METTL3: variants seen among roughly 807,000 people sequenced by gnomAD.
METTL3 encodes methyltransferase 3, N6-adenosine-methyltransferase complex catalytic subunit.
In METTL3, 42 loss-of-function variants were observed where a neutral mutation model predicts 64.3. The ratio of observed to expected loss-of-function variants is 0.65; its 90% CI spans 0.51 to 0.84. The LOEUF is 0.84. Among genes scored for constraint, METTL3 ranks in the 40% least tolerant of loss-of-function variants. The pLI is 0.00. For missense variants in METTL3, 435 were observed against 722.3 expected, an observed-to-expected ratio of 0.60 and a Z score of 4.56; for synonymous variants, 256 against 263.6, an observed-to-expected ratio of 0.97 and a Z score of 0.28.
chr14:21,500,357 C>T (rs1367183607), intron 6 of METTL3, 138 bp downstream of exon 6: 5 of 757,240 alleles, frequency 6.6e-6, no homozygotes. Context: ...CAGTGAGACT[C>T]TCTCAAAAAA....
intron 1 of METTL3, among the ~76,000 whole-genome samples, chr14:21,509,064 G>A (rs923954455): frequency 1.3e-5 from 2 of 152,068 alleles, no homozygotes; most frequent in Admixed American, 1.3e-4. Context: ...TGTAGGCCAG[G>A]CATGGTGGCT....
rs1337107556 is a variant in METTL3 at position 21,503,815 on chromosome 14, G to A, written c.167C>T (p.Pro56Leu). ...FRSDSPVPTAPTSGGPKPSTA... is the reference protein window; with the variant it reads ...FRSDSPVPTALTSGGPKPSTA... ...GCTGGGCTTAGGGCCACCAGAGGTG[G>A]GTGCAGTAGGCACTGGGCTGTCACT... The change falls in exon 2 of 11, where the codon CCC becomes CTC. Residue 56 changes from proline (P) to leucine (L), a missense_variant. Pro to Leu is a moderately conservative substitution (Grantham distance 98). Transcript: ENST00000298717. 1.2e-6 allele frequency: 2 copies of A among 1,614,228 alleles called. No homozygotes were observed. The highest frequency in any genetic ancestry group is 1.7e-6 in the Non-Finnish European group (2 of 1,180,048).
Position 21,503,803 on chromosome 14 carries a change from C to T in METTL3, c.179G>A (p.Gly60Asp). 2 of 1,614,186 alleles carry T rather than the reference C, an allele frequency of 1.2e-6. No homozygotes were observed. Among genetic ancestry groups the T allele is most frequent in the Non-Finnish European group, 1.7e-6 (2 of 1,180,022 alleles). ...TGCTGAAGCTGTGCTGGGCTTAGGGCCACCAGAGGTGGGTGCAGTAGGCAC... is the reference window on the plus strand; with the variant it reads ...TGCTGAAGCTGTGCTGGGCTTAGGGTCACCAGAGGTGGGTGCAGTAGGCAC... ...SPVPTAPTSG[G>D]PKPSTASAVP... Residue 60 changes from glycine to aspartate, a missense_variant, in exon 2 of 11, where the codon GGC becomes GAC. Transcript: ENST00000298717.
intron 1 of METTL3, 81 bp from the exon 2 acceptor site, chr14:21,503,962 T>A: frequency 2.3e-6 from 3 of 1,286,882 alleles, no homozygotes; most frequent in Admixed American, 4.0e-5. Context: ...TTCTCTAGCA[T>A]TCCCATACAC....
rs1462276273 is a variant in METTL3, at chr14:21,499,610, A to G, written c.1344-10T>C. The G allele has an allele frequency of 1.2e-6, 2 of 1,611,826 alleles. No individual in the cohort carries two copies. Among genetic ancestry groups the G allele is most frequent in the East Asian group, 2.2e-5 (1 of 44,884 alleles). On this transcript the variant is annotated splice_polypyrimidine_tract_variant and intron_variant, in intron 7 of 10. Transcript: ENST00000298717. ...ATCTACCCGTTCATACCTGTGGGGC[A>G]TAAAAAAGAACTAGAATTTTAGCCA...
Position 21,503,218 on chromosome 14 carries a change from C to A in METTL3, c.678G>T (p.Glu226Asp), listed in dbSNP as rs1003333896. 1.9e-6 allele frequency: 3 copies of A among 1,614,038 alleles called. No individual in the cohort carries two copies. Among genetic ancestry groups the A allele is most frequent in the Non-Finnish European group, 2.5e-6 (3 of 1,179,970 alleles). Residue 226 changes from glutamate to aspartate, a missense_variant, in exon 3 of 11, where the codon GAG becomes GAT. Physicochemically the swap from Glu to Asp is conservative, Grantham distance 45 (BLOSUM62 2). This residue lies in a region of METTL3 where 228 missense variants were observed against 279.6 expected (regional missense o/e 0.82). Transcript: ENST00000298717. Reference sequence around the variant, plus strand: ...TAGTGGACTGTTGGTTCAGAAGGCTCTCTATCTCCAGATCAACATCTGAGG... The same window carrying A: ...TAGTGGACTGTTGGTTCAGAAGGCTATCTATCTCCAGATCAACATCTGAGG... ...HAASDVDLEIESLLNQQSTKE... is the reference protein window; with the variant it reads ...HAASDVDLEIDSLLNQQSTKE...
chr14:21,503,231 T>C lies in METTL3; in HGVS notation c.665A>G (p.Asp222Gly). 1 of 1,614,190 alleles carries C rather than the reference T, an allele frequency of 6.2e-7. No individual in the cohort carries two copies. Among genetic ancestry groups the C allele is most frequent in the South Asian group, 1.1e-5 (1 of 91,088 alleles). ...GTTCAGAAGGCTCTCTATCTCCAGA[T>C]CAACATCTGAGGCAGCATGTTTCCT... Reference protein sequence around the residue: ...KSRKHAASDVDLEIESLLNQQ... With the variant: ...KSRKHAASDVGLEIESLLNQQ... The change falls in exon 3 of 11, where the codon GAT becomes GGT. Residue 222 changes from aspartate (D) to glycine (G), a missense_variant. By Grantham distance (94) the Asp-to-Gly change is moderately conservative. Around this residue, in one of 9 missense-constraint regions of METTL3, gnomAD observed 228 missense variants for 279.6 expected, o/e 0.82. Coordinates refer to ENST00000298717, the MANE Select transcript of METTL3 (RefSeq NM_019852.5).
chr14:21,501,979 T>TTTGACA (rs1366170936), intron 3 of METTL3, 76 bp from the exon 4 acceptor site: 1 of 1,312,294 alleles, frequency 7.6e-7, no homozygotes, highest in East Asian at 2.3e-5. Flanking sequence ...GCAAATTCTT[T>TTTGACA]TTGACATTAA....
intron 1 of METTL3, among the ~76,000 whole-genome samples, chr14:21,508,891 T>C (rs2139651290): frequency 6.6e-6 from 1 of 151,964 alleles, no homozygotes; most frequent in Admixed American, 6.6e-5. Flanking sequence ...CGAAACTCCA[T>C]CTCAAAAATA....
intron 1 of METTL3, chr14:21,504,491 A>G (rs1732364215): frequency 6.6e-6 from 1 of 152,378 alleles, no homozygotes; most frequent in Admixed American, 6.5e-5. Flanking sequence ...AGAAACTAAA[A>G]TTAGGACAAA....
At chr14:21,511,097 C>A (rs375914881) in intron 1 of METTL3, 27 bp downstream of exon 1, 8 of 1,610,868 alleles carry the variant, frequency 5.0e-6, no homozygotes, top group Non-Finnish European at 6.8e-6. Context: ...CCGGTTGAGC[C>A]TCGGCCCCAA....
At chr14:21,508,676 G>A (rs956784847) in intron 1 of METTL3, among the ~76,000 whole-genome samples, 7 of 151,642 alleles carry the variant, frequency 4.6e-5, no homozygotes, top group Non-Finnish European at 8.8e-5. Context: ...GGGCAGATCA[G>A]CAGAGGTTGG....
At chr14:21,499,885 A>G (rs1205063343) in intron 6 of METTL3, 83 bp from the exon 7 acceptor site, 2 of 1,324,380 alleles carry the variant, frequency 1.5e-6, no homozygotes, top group Admixed American at 1.8e-5. Context: ...AAAACACTAT[A>G]AACACTTTTT....
rs768092349 is a variant in METTL3, at chr14:21,511,136, A to G, written c.88T>C (p.Ser30Pro). The G allele has an allele frequency of 6.2e-7, 1 of 1,614,066 alleles. No individual in the cohort carries two copies. The highest frequency in any genetic ancestry group is 8.5e-7 in the Non-Finnish European group (1 of 1,179,976). ...CCCAGTGCCTCACCCAAGTGCCCCG[A>G]GTCCTGCTTCCGCCTCCGCTGCAGC... ...ERLQRRRKQD[S>P]GHLDLRNPEA... The change falls in exon 1 of 11, where the codon TCG becomes CCG. Residue 30 changes from serine (S) to proline (P), a missense_variant. Transcript: ENST00000298717.
intron 1 of METTL3, among the ~76,000 whole-genome samples, chr14:21,508,915 G>A (rs982377658): frequency 6.6e-6 from 1 of 152,112 alleles, no homozygotes; most frequent in South Asian, 2.1e-4. Context: ...AAATAAGTAT[G>A]ATGAGGAACA....
At chr14:21,499,002 A>C in intron 10 of METTL3, 23 bp downstream of exon 10, 1 of 1,521,058 alleles carries the variant, frequency 6.6e-7, no homozygotes, top group Non-Finnish European at 9.1e-7. Context: ...CTTGAGGACT[A>C]GCCTGTTCTC....
chr14:21,501,969 G>T, intron 3 of METTL3, 66 bp from the exon 4 acceptor site: 1 of 1,396,018 alleles, frequency 7.2e-7, no homozygotes, highest in Non-Finnish European at 9.9e-7. Context: ...GACCAACTCC[G>T]CAAATTCTTT....
intron 3 of METTL3, 66 bp downstream of exon 3, chr14:21,503,107 T>C: frequency 6.6e-7 from 1 of 1,516,382 alleles, no homozygotes; most frequent in Non-Finnish European, 8.9e-7. Flanking sequence ...GCCCTAGGGG[T>C]AAATCCCTGT....
In METTL3 at chr14:21,499,750, C is replaced by G; in HGVS notation, c.1343+14G>C. 1 of 1,612,046 alleles carries G rather than the reference C, an allele frequency of 6.2e-7. No individual in the cohort carries two copies. The highest frequency in any genetic ancestry group is 8.5e-7 in the Non-Finnish European group (1 of 1,178,172). ...GTATTACCCTCAAAAGAAAGCAACA[C>G]AACCACTACTTACCCCCAGAGGTTT... On this transcript the variant is annotated intron_variant, in intron 7 of 10. Coordinates refer to ENST00000298717, the MANE Select transcript of METTL3 (RefSeq NM_019852.5).
Sources: gnomAD v4.1 joint callset for allele counts (sites outside exome capture counted in the v4.1 genomes callset) on GRCh38, gnomAD v4.1.1 for gene constraint, gnomAD v4.1.1 regional missense constraint, MANE v1.5 for transcripts, NCBI Gene and HGNC (gene_info 2026-07-23, HGNC 2026-07-21) for gene names.